ZSCAN25: variants seen among roughly 807,000 people sequenced by gnomAD.
ZSCAN25 encodes zinc finger and SCAN domain containing 25.
A neutral mutation model predicts 38.7 loss-of-function variants in ZSCAN25; 27 were observed. The observed-to-expected ratio is 0.70, with a 90% CI of 0.51 to 0.96. ZSCAN25 has a LOEUF of 0.96. ZSCAN25 is among the 40% of genes least tolerant of loss of function. ZSCAN25 has a pLI of 0.00. For synonymous variants in ZSCAN25, 273 were observed against 277.7 expected (o/e 0.98, Z 0.17); for missense variants, 637 against 705.9 (o/e 0.90, Z 1.11).
the ZSCAN25 span, chr7:99,666,589 G>A: frequency 1.9e-6 from 3 of 1,612,732 alleles, no homozygotes; most frequent in Admixed American, 3.3e-5. Flanking sequence ...CCATGGCTGT[G>A]CTCCTACTTA....
the ZSCAN25 span, among the ~76,000 whole-genome samples, chr7:99,655,610 G>A: frequency 6.6e-6 from 1 of 152,184 alleles, no homozygotes; most frequent in Non-Finnish European, 1.5e-5. Context: ...TTCCAGTTCT[G>A]TGAAGAAAGT....
At chr7:99,625,400 A>G (rs577128379) in intron 7 of ZSCAN25, among the ~76,000 whole-genome samples, 1 of 152,306 alleles carries the variant, frequency 6.6e-6, no homozygotes, top group Non-Finnish European at 1.5e-5. Flanking sequence ...AAGAGTTAAA[A>G]ATAAAGGCGC....
At chr7:99,650,710 C>T in the ZSCAN25 span, among the ~76,000 whole-genome samples, 1 of 151,940 alleles carries the variant, frequency 6.6e-6, no homozygotes, top group African/African-American at 2.4e-5. Context: ...TAATTCCCCT[C>T]CTCCTCCTCT....
chr7:99,709,476 T>A, the ZSCAN25 span, among the ~76,000 whole-genome samples: 1 of 152,148 alleles, frequency 6.6e-6, no homozygotes, highest in Non-Finnish European at 1.5e-5. Context: ...GCAGGAGACA[T>A]TCGGGAAGGC....
At chr7:99,667,971 A>G in the ZSCAN25 span, among the ~76,000 whole-genome samples, 1 of 152,270 alleles carries the variant, frequency 6.6e-6, no homozygotes, top group Non-Finnish European at 1.5e-5. Flanking sequence ...AAAGGCATAC[A>G]GATTGGAAAG....
At chr7:99,675,935 A>T in the ZSCAN25 span, among the ~76,000 whole-genome samples, 2 of 151,254 alleles carry the variant, frequency 1.3e-5, no homozygotes, top group African/African-American at 4.9e-5. Flanking sequence ...GGCTCAAGCA[A>T]TTTGCCAGTC....
chr7:99,711,483 C>T, the ZSCAN25 span, among the ~76,000 whole-genome samples: 1 of 152,208 alleles, frequency 6.6e-6, no homozygotes, highest in Admixed American at 6.5e-5. Flanking sequence ...ATTAGAAATG[C>T]AAAGGCTGGG....
the ZSCAN25 span, chr7:99,685,266 C>A: frequency 6.2e-7 from 1 of 1,612,354 alleles, no homozygotes. Context: ...TATTGAGAAG[C>A]ATTAAATAAA....
rs1483751500 is a variant in ZSCAN25 at position 99,630,868 on chromosome 7, G to GA, written c.*851dup. On this transcript the variant is annotated 3_prime_UTR_variant, in exon 8 of 8. Transcript: ENST00000394152. ...GAGTATTTTAAAAAACAGTTCTCTAGAAAGAACTGTTATAATTAAAATGAG... is the reference window on the plus strand; with the variant it reads ...GAGTATTTTAAAAAACAGTTCTCTAGAAAAGAACTGTTATAATTAAAATGAG... 3.1e-6 allele frequency: 3 copies of GA among 983,504 alleles called. No individual in the cohort carries two copies. Among genetic ancestry groups the GA allele is most frequent in the Non-Finnish European group, 3.6e-6 (3 of 828,328 alleles). 60.9% of individuals were successfully genotyped at this position (983,504 alleles called of 1,614,324 possible). A position where few individuals can be genotyped will look rare whatever the true frequency, so the allele number is the denominator to read the frequency against.
In ZSCAN25 at chr7:99,630,138, C is replaced by A. The variant is rs908084467; in HGVS notation, c.*118C>A. 9 of 1,424,880 alleles carry A rather than the reference C, an allele frequency of 6.3e-6. No homozygotes were observed. The highest frequency in any genetic ancestry group is 5.1e-5 in the East Asian group (2 of 39,346). The allele number at this position is 1,424,880 out of a possible 1,614,324, so 88.3% of individuals were successfully genotyped here. ...CATCGCCTTCCCACCCATTCGCCAA[C>A]GCGGGAAAGGCAAGGCCTGGCTTAC... On this transcript the variant is annotated 3_prime_UTR_variant, in exon 8 of 8. Coordinates refer to ENST00000394152, the MANE Select transcript of ZSCAN25 (RefSeq NM_145115.3).
chr7:99,733,850 C>T, the ZSCAN25 span, among the ~76,000 whole-genome samples: 19,165 of 152,186 alleles, frequency 0.13, 1,664 homozygotes, highest in South Asian at 0.32. Flanking sequence ...ACCTGCTAAG[C>T]AGGTGTATTT....
chr7:99,653,422 G>T, the ZSCAN25 span, among the ~76,000 whole-genome samples: 1 of 151,394 alleles, frequency 6.6e-6, no homozygotes, highest in East Asian at 1.9e-4. This position sits in a 1 kb window ranked among gnomAD's most constrained non-coding sequence, Gnocchi z 4.2. Context: ...CTGCCCTCCA[G>T]CTTGGGTCGT....
chr7:99,649,924 G>T, the ZSCAN25 span: 2 of 1,001,278 alleles, frequency 2.0e-6, no homozygotes, highest in Non-Finnish European at 2.9e-6. Flanking sequence ...GTCCAGAACT[G>T]AAGCATCCTT....
Position 99,632,063 on chromosome 7 carries a change from T to C in ZSCAN25, c.*2043T>C. ...TTGTCATTACCTGAATCACAGATGC[T>C]CTTTTGTCATACACAGCCAGCATTC... On this transcript the variant is annotated 3_prime_UTR_variant, in exon 8 of 8. Transcript: ENST00000394152. 4 of 985,410 alleles carry C rather than the reference T, an allele frequency of 4.1e-6. No individual in the cohort carries two copies. The highest frequency in any genetic ancestry group is 4.8e-6 in the Non-Finnish European group (4 of 829,962). The allele number at this position is 985,410 out of a possible 1,614,324, so 61.0% of individuals were successfully genotyped here.
Position 99,630,000 on chromosome 7 carries a change from C to T in ZSCAN25, c.1615C>T (p.Gln539Ter). 6.4e-7 allele frequency: 1 copy of T among 1,573,802 alleles called. No homozygotes were observed. The highest frequency in any genetic ancestry group is 8.6e-7 in the Non-Finnish European group (1 of 1,160,222). Residue 539 changes from glutamine to a stop codon, truncating the protein, a stop_gained, in exon 8 of 8, where the codon CAG becomes TAG. Transcript: ENST00000394152. LOFTEE classifies it high-confidence loss of function. The surrounding 1 kb of genome is among the most constrained non-coding windows in gnomAD (Gnocchi z 5.6). ...CCGGCACCAGAAGACCCAGCACCGC[C>T]AGGAGCCGCTGGTGCAGTGAGCATA... Reference protein sequence around the residue: ...LNRHQKTQHRQEPLVQ With the variant: ...LNRHQKTQHR
At chr7:99,633,150 T>TA (rs1392661825), downstream of ZSCAN25, among the ~76,000 whole-genome samples, 1 of 152,150 alleles carries the variant, frequency 6.6e-6, no homozygotes, top group Non-Finnish European at 1.5e-5. Flanking sequence ...CATGCCCAGC[T>TA]AATCATTCTG....
chr7:99,692,395 G>C, the ZSCAN25 span, among the ~76,000 whole-genome samples: 7 of 152,156 alleles, frequency 4.6e-5, no homozygotes, highest in Admixed American at 4.6e-4. Context: ...TTTTTGAGGA[G>C]TATCTTTGTG....
In ZSCAN25 at chr7:99,619,976, G is replaced by A. The variant is rs1562963516; in HGVS notation, c.370G>A (p.Ala124Thr). ...CATGGTGGAGGACCTGACAGAAAGA[G>A]CACTGGAGGCCAAGGCGGTGGGTGA... ...AAMVEDLTER[A>T]LEAKAVPCHR... The change falls in exon 4 of 8, where the codon GCA (alanine) becomes ACA (threonine). Residue 124 changes from alanine to threonine, a missense_variant. Physicochemically the swap from Ala to Thr is moderately conservative, Grantham distance 58. Coordinates refer to ENST00000394152, the MANE Select transcript of ZSCAN25 (RefSeq NM_145115.3). 3.7e-6 allele frequency: 6 copies of A among 1,613,394 alleles called. No homozygotes were observed. Among genetic ancestry groups the A allele is most frequent in the Non-Finnish European group, 4.2e-6 (5 of 1,179,888 alleles).
chr7:99,687,969 G>A, the ZSCAN25 span, among the ~76,000 whole-genome samples: 1 of 152,132 alleles, frequency 6.6e-6, no homozygotes, highest in Non-Finnish European at 1.5e-5. Context: ...ACAAGCAAAT[G>A]CTGAGAGATT....
Sources: gnomAD v4.1 joint callset for allele counts (sites outside exome capture counted in the v4.1 genomes callset) on GRCh38, gnomAD v4.1.1 for gene constraint, Gnocchi (gnomAD v3.1) non-coding constraint, MANE v1.5 for transcripts, NCBI Gene and HGNC (gene_info 2026-07-23, HGNC 2026-07-21) for gene names.